SAMSN1: variants seen among roughly 807,000 people sequenced by gnomAD.
SAMSN1 encodes SAM domain, SH3 domain and nuclear localization signals 1, also known as SAM domain-containing protein SAMSN-1.
In SAMSN1, 31 loss-of-function variants were observed where a neutral mutation model predicts 42.0. That is an observed-to-expected ratio of 0.74 (90% CI 0.55 to 1.00). The LOEUF (loss-of-function observed/expected upper bound fraction) is 1.00. SAMSN1 is among the 50% of genes least tolerant of loss of function. The probability of loss-of-function intolerance (pLI) is 0.00; values close to 1 mark genes in which losing one functional copy is unlikely to be tolerated. For missense variants in SAMSN1, 464 were observed against 439.4 expected (o/e 1.06, Z -0.50); for synonymous variants, 178 against 151.9 (o/e 1.17, Z -1.26).
intron 2 of SAMSN1, among the ~76,000 whole-genome samples, chr21:14,551,878 T>C (rs1354987497): frequency 6.6e-6 from 1 of 152,058 alleles, no homozygotes; most frequent in Non-Finnish European, 1.5e-5. Flanking sequence ...CAGGATTCAA[T>C]CCAAAGCCTC....
chr21:14,537,572 G>C (rs1979711022), intron 1 of SAMSN1, among the ~76,000 whole-genome samples: 2 of 152,182 alleles, frequency 1.3e-5, no homozygotes, highest in Non-Finnish European at 2.9e-5. Flanking sequence ...GCATGGATTA[G>C]TGAATTAACT....
intron 2 of SAMSN1, among the ~76,000 whole-genome samples, chr21:14,641,125 A>T (rs970727440): frequency 6.6e-6 from 1 of 152,148 alleles, no homozygotes; most frequent in Admixed American, 6.6e-5. Flanking sequence ...GACAGCCTCC[A>T]TGTGAATGGT....
chr21:14,509,253 T>C (rs1486788411), intron 5 of SAMSN1, among the ~76,000 whole-genome samples: 1 of 152,194 alleles, frequency 6.6e-6, no homozygotes, highest in Non-Finnish European at 1.5e-5. Context: ...GCATTTGCAG[T>C]GACCAAGATG....
intron 2 of SAMSN1, among the ~76,000 whole-genome samples, chr21:14,634,315 G>T (rs1010863060): frequency 2.6e-5 from 4 of 152,072 alleles, no homozygotes; most frequent in African/African-American, 9.7e-5. Context: ...ATTGACAAAT[G>T]GGATCTAATT....
intron 7 of SAMSN1, among the ~76,000 whole-genome samples, chr21:14,588,752 T>C (rs566099439): frequency 6.6e-6 from 1 of 151,932 alleles, no homozygotes; most frequent in South Asian, 2.1e-4. Context: ...AAGAGTTTCG[T>C]CTATTCTATC....
intron 2 of SAMSN1, among the ~76,000 whole-genome samples, chr21:14,577,159 G>C (rs1290971307): frequency 1.0e-4 from 13 of 127,180 alleles, no homozygotes; most frequent in African/African-American, 3.6e-4. Flanking sequence ...GGGTTCAAGT[G>C]ATTCTCCTGC....
upstream of SAMSN1, chr21:14,658,860 G>T: frequency 1.4e-6 from 1 of 698,568 alleles, no homozygotes; most frequent in Non-Finnish European, 2.7e-6. Flanking sequence ...TGTTTGGCCA[G>T]TTCTCATGGG....
chr21:14,618,711 T>C (rs7278040), intron 2 of SAMSN1, among the ~76,000 whole-genome samples: 3,743 of 148,820 alleles, frequency 0.025, 151 homozygotes, highest in African/African-American at 0.084. Context: ...CGCACGCGCG[T>C]GTGTGTGTGT....
chr21:14,590,042 C>T (rs455221), intron 7 of SAMSN1, among the ~76,000 whole-genome samples: 74,497 of 151,954 alleles, frequency 0.49, 19,019 homozygotes, highest in Admixed American at 0.6. Flanking sequence ...CTAAGTTTTC[C>T]GGTCTTATGA....
Position 14,604,842 on chromosome 21 carries a change from C to G in SAMSN1, c.323-2743G>C, listed in dbSNP as rs570207464. Among the ~76,000 whole-genome samples, 5 of 152,342 alleles carry G rather than the reference C, an allele frequency of 3.3e-5. No homozygotes were observed. In the South Asian group the frequency reaches 1.0e-3, roughly 32 times the overall value. On this transcript the variant is annotated intron_variant, in intron 5 of 15. Coordinates refer to the SAMSN1 transcript ENST00000647101. ...TCCAGCTACCAGATGTCGAAGTCCT[C>G]CCCAGTCATTCAAGTCTTCCCAAAT...
At chr21:14,619,844 A>G (rs1278501185) in intron 2 of SAMSN1, among the ~76,000 whole-genome samples, 3 of 152,188 alleles carry the variant, frequency 2.0e-5, no homozygotes, top group Admixed American at 6.5e-5. Context: ...ATCTGATGGT[A>G]ATAAACTGGA....
chr21:14,599,188 C>CA (rs947654615), intron 6 of SAMSN1, among the ~76,000 whole-genome samples: 54 of 152,220 alleles, frequency 3.5e-4, no homozygotes, highest in African/African-American at 1.1e-3. Flanking sequence ...TGTGTCCTCA[C>CA]AAAAAATCTC....
chr21:14,639,548 A>C (rs1022004659), intron 2 of SAMSN1, among the ~76,000 whole-genome samples: 1 of 152,198 alleles, frequency 6.6e-6, no homozygotes, highest in Non-Finnish European at 1.5e-5. Context: ...CCACCTGTCA[A>C]TATGATTGCA....
intron 2 of SAMSN1, among the ~76,000 whole-genome samples, chr21:14,625,750 A>C (rs1029272233): frequency 7.2e-5 from 11 of 152,200 alleles, no homozygotes; most frequent in Admixed American, 2.6e-4. Context: ...GCTACCAATG[A>C]CTTTCTTCAC....
chr21:14,488,258 G>A (rs1385323391), intron 7 of SAMSN1, among the ~76,000 whole-genome samples: 4 of 152,126 alleles, frequency 2.6e-5, no homozygotes, highest in Non-Finnish European at 5.9e-5. Context: ...CATTTCCCCA[G>A]ATTATGTTTG....
chr21:14,593,448 A>G (rs951664341), intron 7 of SAMSN1, among the ~76,000 whole-genome samples: 34 of 152,248 alleles, frequency 2.2e-4, no homozygotes, highest in African/African-American at 7.7e-4. Flanking sequence ...TGTCCTTTCC[A>G]TGAACTTCTG....
chr21:14,618,171 A>C (rs1207713820), intron 2 of SAMSN1, among the ~76,000 whole-genome samples: 1 of 152,220 alleles, frequency 6.6e-6, no homozygotes, highest in Non-Finnish European at 1.5e-5. Flanking sequence ...CTCATGATGA[A>C]TCAGTTTAGG....
intron 6 of SAMSN1, among the ~76,000 whole-genome samples, chr21:14,600,823 A>G (rs1982409472): frequency 6.6e-6 from 1 of 152,170 alleles, no homozygotes; most frequent in Admixed American, 6.6e-5. Context: ...TGTTTCAGAG[A>G]TAATCTTCCA....
chr21:14,621,977 G>C (rs1477089934), intron 2 of SAMSN1, among the ~76,000 whole-genome samples: 1 of 152,230 alleles, frequency 6.6e-6, no homozygotes, highest in Non-Finnish European at 1.5e-5. Flanking sequence ...AATGTTCTCT[G>C]TTCTGCAGCC....
Sources: gnomAD v4.1 joint callset for allele counts (sites outside exome capture counted in the v4.1 genomes callset) on GRCh38, gnomAD v4.1.1 for gene constraint, MANE v1.5 for transcripts, NCBI Gene and HGNC (gene_info 2026-07-23, HGNC 2026-07-21) for gene names.